Variants in CAMK2D observed in about 807,000 individuals in gnomAD.
CAMK2D encodes the protein calcium/calmodulin dependent protein kinase II delta, also known as calcium/calmodulin-dependent protein kinase type II subunit delta.
CAMK2D carries 37 observed loss-of-function variants against 84.0 expected under a neutral mutation model. That is an observed-to-expected ratio of 0.44 (90% confidence interval 0.34 to 0.58). CAMK2D has a LOEUF of 0.58. Among genes scored for constraint, CAMK2D ranks in the 20% least tolerant of loss-of-function variants. The pLI, the probability that CAMK2D is intolerant of heterozygous loss-of-function variation, is 0.02. For missense variants in CAMK2D, 448 were observed against 652.5 expected (o/e 0.69, Z 3.41); for synonymous variants, 202 against 212.5 (o/e 0.95, Z 0.43).
intron 2 of CAMK2D, among the ~76,000 whole-genome samples, chr4:113,747,090 T>A (rs1002083254): frequency 2.0e-5 from 3 of 151,850 alleles, no homozygotes; most frequent in African/African-American, 4.8e-5. Flanking sequence ...CATATTAATT[T>A]TTTTTACTGT....
At chr4:113,718,373 C>G (rs2099519897) in intron 2 of CAMK2D, among the ~76,000 whole-genome samples, 1 of 152,152 alleles carries the variant, frequency 6.6e-6, no homozygotes, top group Non-Finnish European at 1.5e-5. Context: ...TCCTCTTGTA[C>G]TGAATCAATT....
intron 14 of CAMK2D, 52 bp downstream of exon 14, chr4:113,504,924 A>C: frequency 3.9e-6 from 4 of 1,034,268 alleles, no homozygotes; most frequent in Non-Finnish European, 5.2e-6. Flanking sequence ...GAAACCACAA[A>C]AAAAAAAAAA....
chr4:113,684,198 T>C (rs959922882), intron 2 of CAMK2D, among the ~76,000 whole-genome samples: 8 of 152,188 alleles, frequency 5.3e-5, no homozygotes, highest in African/African-American at 1.9e-4. Flanking sequence ...GGACTTCAGT[T>C]AGAAAGCTAA....
chr4:113,727,848 AG>A lies in CAMK2D; in HGVS notation c.160+31471del, dbSNP rs1239616416. Among the ~76,000 whole-genome samples the A allele has an allele frequency of 2.6e-5, 4 of 152,296 alleles. 1 individual carries two copies. Among genetic ancestry groups the A allele is most frequent in the African/African-American group, 9.6e-5 (4 of 41,580 alleles). ...AATCCAAATAATGCACATTTTTTAA[AG>A]GGCAAAAGTCTTAAATACTTCAAAA... On this transcript the variant is annotated intron_variant, in intron 2 of 20. Transcript: ENST00000511664.
In CAMK2D at chr4:113,761,185, G is replaced by C; in HGVS notation, c.-117C>G. The C allele has an allele frequency of 8.2e-6, 13 of 1,586,818 alleles. No homozygotes were observed. The Middle Eastern group carries it at 5.1e-4, about 62-fold the overall frequency. On this transcript the variant is annotated 5_prime_UTR_variant, in exon 1 of 21. Transcript: ENST00000511664. ...CACCCAGGGCCGCTCTTACTTTCCTGGTCCGAAAGTAGCTCGCCCGCGAGG... is the reference window on the plus strand; with the variant it reads ...CACCCAGGGCCGCTCTTACTTTCCTCGTCCGAAAGTAGCTCGCCCGCGAGG...
intron 8 of CAMK2D, among the ~76,000 whole-genome samples, chr4:113,518,348 T>C (rs957564219): frequency 3.3e-5 from 5 of 152,088 alleles, no homozygotes; most frequent in Non-Finnish European, 7.4e-5. Context: ...TGTAATAAAA[T>C]TTGCTAAAAT....
intron 4 of CAMK2D, among the ~76,000 whole-genome samples, chr4:113,553,830 A>G (rs760147801): frequency 6.6e-6 from 1 of 152,206 alleles, no homozygotes; most frequent in Non-Finnish European, 1.5e-5. Flanking sequence ...TGTACCTTAC[A>G]TAAATTACAA....
chr4:113,746,796 T>C (rs1364696960), intron 2 of CAMK2D, among the ~76,000 whole-genome samples: 8 of 151,846 alleles, frequency 5.3e-5, no homozygotes, highest in Non-Finnish European at 7.4e-5. Flanking sequence ...AGATCTACAT[T>C]TAAGGAACAG....
chr4:113,760,235 T>C (rs2099637877), intron 1 of CAMK2D, among the ~76,000 whole-genome samples: 1 of 152,156 alleles, frequency 6.6e-6, no homozygotes, highest in Non-Finnish European at 1.5e-5. Context: ...CAAGTAGTTC[T>C]GCCAGTCGGG....
chr4:113,469,150 G>A (rs561731749), intron 16 of CAMK2D, among the ~76,000 whole-genome samples: 1 of 152,310 alleles, frequency 6.6e-6, no homozygotes, highest in Admixed American at 6.5e-5. Flanking sequence ...AATGATCCCA[G>A]TGTTTGAAAA....
At chr4:113,534,456 C>T (rs1289534253) in intron 7 of CAMK2D, among the ~76,000 whole-genome samples, 1 of 152,204 alleles carries the variant, frequency 6.6e-6, no homozygotes. Flanking sequence ...AGTTATTACT[C>T]TAACAGGTAC....
chr4:113,611,078 A>G (rs368184268), intron 3 of CAMK2D, among the ~76,000 whole-genome samples: 1 of 145,948 alleles, frequency 6.9e-6, no homozygotes, highest in Admixed American at 6.9e-5. Context: ...ACACACACAC[A>G]ATGTATATAA....
intron 3 of CAMK2D, among the ~76,000 whole-genome samples, chr4:113,640,482 C>T (rs1197065929): frequency 6.6e-6 from 1 of 152,106 alleles, no homozygotes; most frequent in Non-Finnish European, 1.5e-5. Flanking sequence ...CAGACTCAAT[C>T]CCCATCCTCA....
intron 2 of CAMK2D, among the ~76,000 whole-genome samples, chr4:113,693,228 T>C (rs2099393450): frequency 6.6e-6 from 1 of 152,118 alleles, no homozygotes; most frequent in Non-Finnish European, 1.5e-5. Flanking sequence ...TTCATTACGT[T>C]GTCAGAACCA....
At chr4:113,585,493 C>A (rs778950746) in intron 4 of CAMK2D, among the ~76,000 whole-genome samples, 1 of 152,066 alleles carries the variant, frequency 6.6e-6, no homozygotes, top group Non-Finnish European at 1.5e-5. Context: ...CAGATGTTAT[C>A]TGATTTCATA....
chr4:113,586,688 C>G (rs1372229395), intron 4 of CAMK2D, among the ~76,000 whole-genome samples: 1 of 152,134 alleles, frequency 6.6e-6, no homozygotes, highest in Non-Finnish European at 1.5e-5. Context: ...AACCAGCTCT[C>G]ACAAACCTAG....
intron 4 of CAMK2D, among the ~76,000 whole-genome samples, chr4:113,594,731 A>T (rs1193633901): frequency 6.6e-6 from 1 of 152,210 alleles, no homozygotes; most frequent in Non-Finnish European, 1.5e-5. Context: ...TCTAAAACTG[A>T]AGAGCAAAGG....
intron 16 of CAMK2D, among the ~76,000 whole-genome samples, chr4:113,493,502 C>A (rs931349438): frequency 1.3e-4 from 20 of 152,098 alleles, no homozygotes; most frequent in Non-Finnish European, 2.1e-4. Flanking sequence ...GGGTTTCTGC[C>A]GAGAGATCAG....
rs569774523 is a variant in CAMK2D, at chr4:113,748,019, T to C, written c.160+11301A>G. 5.9e-5 allele frequency among the ~76,000 whole-genome samples: 9 copies of C among 151,818 alleles called. No individual in the cohort carries two copies. In the East Asian group the frequency reaches 1.7e-3, roughly 29 times the overall value. On this transcript the variant is annotated intron_variant, in intron 2 of 20. Transcript: ENST00000511664. The stretch of plus-strand genomic sequence containing the variant: ...TTTTTCAACATATACTTTGAACTTG[T>C]TTTTTTTCCTACCTATCTCTCAGTT...
Sources: allele counts gnomAD v4.1 joint callset (sites outside exome capture counted in the v4.1 genomes callset), GRCh38; gene constraint gnomAD v4.1.1; transcripts MANE v1.5; gene names NCBI Gene and HGNC (gene_info 2026-07-23, HGNC 2026-07-21).